The following FRMD4B variants were observed in gnomAD, a reference collection of about 807,000 sequenced individuals.
The protein encoded by FRMD4B is FERM domain containing 4B.
Under a neutral mutation model 141.5 loss-of-function variants are expected in FRMD4B, and 74 were observed. The ratio of observed to expected loss-of-function variants is 0.52; its 90% CI spans 0.43 to 0.63. FRMD4B has a LOEUF of 0.63. Ranked by LOEUF, FRMD4B falls within the 30% of genes least tolerant of loss-of-function variation. FRMD4B has a pLI of 0.00. For missense variants in FRMD4B, 1,366 were observed against 1,253.4 expected, an observed-to-expected ratio of 1.09 and a Z score of -1.36; for synonymous variants, 506 against 467.9, an observed-to-expected ratio of 1.08 and a Z score of -1.05.
At chr3:69,245,330 TG>T (rs1559748479) in intron 7 of FRMD4B, among the ~76,000 whole-genome samples, 3 of 150,192 alleles carry the variant, frequency 2.0e-5, no homozygotes, top group African/African-American at 7.5e-5. Context: ...TGTGTGTGTG[TG>T]TGTGTGTGTG....
At chr3:69,536,638 C>A in intron 1 of FRMD4B, 1 of 1,011,438 alleles carries the variant, frequency 9.9e-7, no homozygotes. Flanking sequence ...CTGGATGATC[C>A]TGCTGTGGAA....
rs2093445597 is a variant in FRMD4B at position 69,249,206 on chromosome 3, T to C, written c.581+20A>G. 1 of 1,497,622 alleles carries C rather than the reference T, an allele frequency of 6.7e-7. No individual in the cohort carries two copies. Among genetic ancestry groups the C allele is most frequent in the Non-Finnish European group, 9.2e-7 (1 of 1,081,866 alleles). The allele number at this position is 1,497,622 out of a possible 1,614,324, so 92.8% of individuals were successfully genotyped here. A position where few individuals can be genotyped will look rare whatever the true frequency, so the allele number is the denominator to read the frequency against. Reference sequence around the variant, plus strand: ...TTTAGGGTTATTTTGCATAGTAATATCAGAAAAGAAAAGCATTACCTGGTA... The same window carrying C: ...TTTAGGGTTATTTTGCATAGTAATACCAGAAAAGAAAAGCATTACCTGGTA... On this transcript the variant is annotated intron_variant, in intron 7 of 22. Coordinates refer to ENST00000398540, the MANE Select transcript of FRMD4B (RefSeq NM_015123.3).
At chr3:69,265,395 AATGC>A (rs1176603622) in intron 5 of FRMD4B, among the ~76,000 whole-genome samples, 2 of 146,410 alleles carry the variant, frequency 1.4e-5, no homozygotes, top group African/African-American at 5.0e-5. Flanking sequence ...TGGTTTGTGC[AATGC>A]ACTTTTATTT....
chr3:69,357,341 C>A (rs1703352577), intron 1 of FRMD4B, among the ~76,000 whole-genome samples: 1 of 152,318 alleles, frequency 6.6e-6, no homozygotes, highest in Admixed American at 6.5e-5. Flanking sequence ...CAAGGCAGGG[C>A]TTAACCTGGG....
chr3:69,386,501 A>G (rs1199416407), upstream of FRMD4B, among the ~76,000 whole-genome samples: 1 of 151,866 alleles, frequency 6.6e-6, no homozygotes, highest in African/African-American at 2.4e-5. Flanking sequence ...CTCGGGGAAC[A>G]CCTTACTCAT....
intron 1 of FRMD4B, among the ~76,000 whole-genome samples, chr3:69,366,282 AAC>A (rs1205844507): frequency 3.6e-5 from 4 of 111,160 alleles, no homozygotes; most frequent in African/African-American, 1.5e-4. Flanking sequence ...CAAAAACAAA[AAC>A]AAAAAAAATT....
chr3:69,358,841 GCTTCTA>G, intron 1 of FRMD4B, among the ~76,000 whole-genome samples: 1 of 152,164 alleles, frequency 6.6e-6, no homozygotes. Context: ...ATGGAGGTGG[GCTTCTA>G]ATAAAAGATA....
At position 69,267,869 on chromosome 3, in the gene FRMD4B, G is replaced by A. The variant is rs373725761; in HGVS notation, c.502-17770C>T. 1.5e-3 allele frequency among the ~76,000 whole-genome samples: 230 copies of A among 150,134 alleles called. 9 individuals are homozygous for A. Among genetic ancestry groups the A allele is most frequent in the African/African-American group, 5.6e-3 (220 of 39,584 alleles). On this transcript the variant is annotated intron_variant, in intron 5 of 22. Transcript: ENST00000398540. ...GCTGGTCTCACACTCGTGGCCTCAA[G>A]TGATCCTCCTGCCTTGGCCTCCCAA...
At chr3:69,256,115 G>C (rs138048587) in intron 5 of FRMD4B, among the ~76,000 whole-genome samples, 15 of 151,914 alleles carry the variant, frequency 9.9e-5, no homozygotes, top group South Asian at 2.1e-4. Context: ...TAAAAGGTTG[G>C]GGGGGAGGGA....
chr3:69,332,602 G>T (rs1304834742), intron 1 of FRMD4B, among the ~76,000 whole-genome samples: 2 of 151,948 alleles, frequency 1.3e-5, no homozygotes, highest in Non-Finnish European at 2.9e-5. Context: ...TTTGAGACAG[G>T]GTCTCACTCC....
intron 1 of FRMD4B, among the ~76,000 whole-genome samples, chr3:69,439,447 G>A (rs1305805091): frequency 2.0e-5 from 3 of 152,144 alleles, no homozygotes; most frequent in Non-Finnish European, 2.9e-5. Context: ...ACCTGGGGTG[G>A]TCCAATCCTC....
At chr3:69,482,595 T>C (rs1433139268) in intron 1 of FRMD4B, among the ~76,000 whole-genome samples, 1 of 152,254 alleles carries the variant, frequency 6.6e-6, no homozygotes, top group African/African-American at 2.4e-5. Context: ...ATGTTTCATG[T>C]GAACACTTCA....
At chr3:69,458,745 C>T (rs1705657451) in intron 1 of FRMD4B, among the ~76,000 whole-genome samples, 1 of 148,676 alleles carries the variant, frequency 6.7e-6, no homozygotes, top group Admixed American at 6.8e-5. Context: ...CGCTTGTAAT[C>T]AGAGCCAGTG....
Position 69,180,027 on chromosome 3 carries a change from GA to G in FRMD4B, c.2851+871del, listed in dbSNP as rs368418021. Reference sequence around the variant, plus strand: ...CAAAGTCAACATCAAGAGTATAAAGGAAACATCTCTAATCAAAATTATCTTT... The same window carrying G: ...CAAAGTCAACATCAAGAGTATAAAGGAACATCTCTAATCAAAATTATCTTT... On this transcript the variant is annotated intron_variant, in intron 21 of 22. Transcript: ENST00000398540. 1.1e-3 allele frequency among the ~76,000 whole-genome samples: 160 copies of G among 152,180 alleles called. 1 individual carries two copies. Among genetic ancestry groups the G allele is most frequent in the African/African-American group, 3.5e-3 (145 of 41,514 alleles).
intron 1 of FRMD4B, among the ~76,000 whole-genome samples, chr3:69,498,439 TGAGA>T (rs567977140): frequency 5.3e-5 from 8 of 151,228 alleles, no homozygotes; most frequent in African/African-American, 1.7e-4. Context: ...TGTGTGTGCA[TGAGA>T]GAGAGAGAGA....
intron 1 of FRMD4B, among the ~76,000 whole-genome samples, chr3:69,359,081 C>G (rs1703401652): frequency 6.6e-6 from 1 of 152,190 alleles, no homozygotes; most frequent in African/African-American, 2.4e-5. Flanking sequence ...GTAGCTAGCT[C>G]TGCTGGGCAT....
At chr3:69,375,004 C>T in intron 1 of FRMD4B, among the ~76,000 whole-genome samples, 1 of 149,990 alleles carries the variant, frequency 6.7e-6, no homozygotes, top group African/African-American at 2.5e-5. Flanking sequence ...GCCTACCCAC[C>T]AACCCACCCA....
chr3:69,223,681 A>C (rs1019030558), intron 8 of FRMD4B, among the ~76,000 whole-genome samples: 2 of 152,162 alleles, frequency 1.3e-5, no homozygotes, highest in African/African-American at 4.8e-5. Context: ...TCTACTAAAA[A>C]TACAAAAATT....
rs562624165 is a variant in FRMD4B, at chr3:69,474,891, T to C, written c.-128-42130A>G. On this transcript the variant is annotated intron_variant, in intron 1 of 5. Coordinates refer to the FRMD4B transcript ENST00000459638. ...CTATCAAAGGGGAAAGAGAGGATGC[T>C]AGGAAAGCCTATAGACAGAGCAATT... is the stretch of plus-strand genomic sequence containing the variant. Among the ~76,000 whole-genome samples, 4 of 152,212 alleles carry C rather than the reference T, an allele frequency of 2.6e-5. No individual in the cohort carries two copies. The South Asian group carries it at 8.3e-4, about 32-fold the overall frequency.
Sources: allele counts gnomAD v4.1 joint callset (sites outside exome capture counted in the v4.1 genomes callset), GRCh38; gene constraint gnomAD v4.1.1; transcripts MANE v1.5; gene names NCBI Gene and HGNC (gene_info 2026-07-23, HGNC 2026-07-21).